The following MC2R variants were observed in gnomAD, a reference collection of about 807,000 sequenced individuals.
MC2R encodes the protein melanocortin 2 receptor.
Under a neutral mutation model 9.8 loss-of-function variants are expected in MC2R, and 9 were observed. That is an observed-to-expected ratio of 0.92 (90% CI 0.55 to 1.60). The LOEUF is 1.60. Among genes scored for constraint, MC2R ranks in the 40% most tolerant of loss-of-function variants. MC2R has a pLI of 0.00. For missense variants in MC2R, 370 were observed against 389.0 expected (o/e 0.95, Z 0.41); for synonymous variants, 185 against 154.7 (o/e 1.20, Z -1.45).
At chr18:13,885,790 G>A in intron 1 of MC2R, 144 bp from the exon 2 acceptor site, 1 of 464,200 alleles carries the variant, frequency 2.2e-6, no homozygotes, top group Non-Finnish European at 3.9e-6. Flanking sequence ...TATGTTTATT[G>A]CAGCACTAGT....
At chr18:13,900,219 T>G (rs1053646806) in intron 1 of MC2R, among the ~76,000 whole-genome samples, 1 of 152,212 alleles carries the variant, frequency 6.6e-6, no homozygotes, top group Admixed American at 6.5e-5. Flanking sequence ...AGATAGTATT[T>G]GCAAGCCTCT....
At chr18:13,910,273 T>C (rs1238725069) in intron 1 of MC2R, among the ~76,000 whole-genome samples, 2 of 152,220 alleles carry the variant, frequency 1.3e-5, no homozygotes, top group Non-Finnish European at 2.9e-5. Flanking sequence ...GTTTCATTGA[T>C]CTATTTGTCT....
intron 1 of MC2R, among the ~76,000 whole-genome samples, chr18:13,895,329 T>G (rs1477888092): frequency 6.6e-6 from 1 of 152,234 alleles, no homozygotes; most frequent in Non-Finnish European, 1.5e-5. Context: ...GATCAAAATG[T>G]TGCCTTCCTC....
At chr18:13,900,890 C>A (rs1052117802) in intron 1 of MC2R, among the ~76,000 whole-genome samples, 1 of 152,048 alleles carries the variant, frequency 6.6e-6, no homozygotes, top group African/African-American at 2.4e-5. Context: ...CAGTATATAC[C>A]AAATGAACCT....
In MC2R at chr18:13,884,774, G is replaced by C. The variant is rs758331241; in HGVS notation, c.745C>G (p.Pro249Ala). ...AGAGACATGTAGCAGGCGCAGTAGG[G>C]GTTACTTGGGCAGAATGTCATCAAG... is the stretch of plus-strand genomic sequence containing the variant. ...VLLMTFCPSN[P>A]YCACYMSLFQ... is the part of the protein sequence containing the mutation. The change falls in exon 2 of 2, where the codon CCC becomes GCC. Residue 249 changes from proline to alanine, a missense_variant. By Grantham distance (27) the Pro-to-Ala change is conservative. Coordinates refer to ENST00000327606, the MANE Select transcript of MC2R (RefSeq NM_000529.2). 26 of 1,613,874 alleles carry C rather than the reference G, an allele frequency of 1.6e-5. No individual in the cohort carries two copies. In the East Asian group the frequency reaches 5.8e-4, roughly 36 times the overall value.
At position 13,884,883 on chromosome 18, in the gene MC2R, T is replaced by C; in HGVS notation, c.636A>G (p.Arg212=). Residue 212 remains arginine (R), a synonymous_variant, in exon 2 of 2, where the codon AGA becomes AGG. Coordinates refer to ENST00000327606, the MANE Select transcript of MC2R (RefSeq NM_000529.2). ...SHTRKISTLP[R]ANMKGAITLT... The stretch of plus-strand genomic sequence containing the variant: ...GTGTGATGGCCCCTTTCATGTTGGC[T>C]CTGGGGAGGGTGGAGATCTTCCTGG... The C allele has an allele frequency of 1.9e-6, 3 of 1,613,902 alleles. No individual in the cohort carries two copies. The highest frequency in any genetic ancestry group is 2.5e-6 in the Non-Finnish European group (3 of 1,179,964).
rs1210286227 is a variant in MC2R, at chr18:13,884,695, A to G, written c.824T>C (p.Ile275Thr). ...IMCNAVIDPF[I>T]YAFRSPELRD... ...GAGCTCTGGGCTCCGGAAGGCATATATGAAGGGGTCAATGACGGCATTGCA... is the reference window on the plus strand; with the variant it reads ...GAGCTCTGGGCTCCGGAAGGCATATGTGAAGGGGTCAATGACGGCATTGCA... Residue 275 changes from isoleucine to threonine, a missense_variant, in exon 2 of 2, where the codon ATA (isoleucine) becomes ACA (threonine). Physicochemically the swap from Ile to Thr is moderately conservative, Grantham distance 89. Coordinates refer to ENST00000327606, the MANE Select transcript of MC2R (RefSeq NM_000529.2). 2 of 1,614,046 alleles carry G rather than the reference A, an allele frequency of 1.2e-6. No individual in the cohort carries two copies. The highest frequency in any genetic ancestry group is 1.7e-6 in the Non-Finnish European group (2 of 1,180,032).
Position 13,914,554 on chromosome 18 carries a change from G to A in MC2R, c.-129+934C>T, listed in dbSNP as rs2045465310. 2.0e-5 allele frequency among the ~76,000 whole-genome samples: 3 copies of A among 152,134 alleles called. No individual in the cohort carries two copies. In the South Asian group the frequency reaches 6.2e-4, roughly 31 times the overall value. On this transcript the variant is annotated intron_variant, in intron 1 of 1. Transcript: ENST00000327606. ...GATCTGCTCAAGGCTGTACTCTCTGGACCCCTTTGTACCCCTTTCCCATTC... is the reference window on the plus strand; with the variant it reads ...GATCTGCTCAAGGCTGTACTCTCTGAACCCCTTTGTACCCCTTTCCCATTC...
Position 13,885,421 on chromosome 18 carries a change from G to A in MC2R, c.98C>T (p.Thr33Ile), listed in dbSNP as rs559032155. 682 of 1,613,958 alleles carry A rather than the reference G, an allele frequency of 4.2e-4. 9 individuals carry two copies. In the South Asian group the frequency reaches 7.2e-3, roughly 17 times the overall value. Reference protein sequence around the residue: ...RVVLPEEIFFTISIVGVLENL... With the variant: ...RVVLPEEIFFIISIVGVLENL... ...CTCCAAAACTCCAACAATGGAAATT[G>A]TGAAAAATATCTCCTCCGGCAAAAC... Residue 33 changes from threonine (T) to isoleucine (I), a missense_variant, in exon 2 of 2, where the codon ACA becomes ATA. By Grantham distance (89) the Thr-to-Ile change is moderately conservative. Transcript: ENST00000327606.
chr18:13,906,244 C>T (rs565288368), intron 1 of MC2R, among the ~76,000 whole-genome samples: 5 of 152,162 alleles, frequency 3.3e-5, no homozygotes, highest in Non-Finnish European at 7.3e-5. Context: ...GAATACTATG[C>T]AGCCATAAAA....
chr18:13,913,964 G>C (rs2045461555), intron 1 of MC2R, among the ~76,000 whole-genome samples: 1 of 152,004 alleles, frequency 6.6e-6, no homozygotes, highest in African/African-American at 2.4e-5. Context: ...CAAGGAATGT[G>C]GCTTACACAG....
chr18:13,913,096 T>C (rs1379225216), intron 1 of MC2R, among the ~76,000 whole-genome samples: 1 of 152,190 alleles, frequency 6.6e-6, no homozygotes, highest in East Asian at 1.9e-4. Flanking sequence ...AATGACAATG[T>C]GATCACATCT....
At position 13,894,136 on chromosome 18, in the gene MC2R, TTGTG is replaced by T. The variant is rs35649882; in HGVS notation, c.-128-8494_-128-8491del. ...AAATGAGAAATAGAAGCATGTGTGT[TTGTG>T]TGTGTGTGTGTGTGTGTGTGCGTGC... On this transcript the variant is annotated intron_variant, in intron 1 of 1. Transcript: ENST00000327606. 2.1e-3 allele frequency among the ~76,000 whole-genome samples: 306 copies of T among 148,832 alleles called. 1 individual carries two copies. The highest frequency in any genetic ancestry group is 5.8e-3 in the African/African-American group (237 of 40,642).
Position 13,884,994 on chromosome 18 carries a change from C to A in MC2R, c.525G>T (p.Val175=). The change falls in exon 2 of 2, where the codon GTG becomes GTT. Residue 175 remains valine, a synonymous_variant. Coordinates refer to ENST00000327606, the MANE Select transcript of MC2R (RefSeq NM_000529.2). ...MVIFSHHVPT[V]ITFTSLFPLM... ...GCGGGAACAGCGACGTGAAGGTGATCACTGTGGGCACATGATGGGAGAAGA... is the reference window on the plus strand; with the variant it reads ...GCGGGAACAGCGACGTGAAGGTGATAACTGTGGGCACATGATGGGAGAAGA... The A allele has an allele frequency of 6.2e-7, 1 of 1,614,126 alleles. No homozygotes were observed. Among genetic ancestry groups the A allele is most frequent in the Non-Finnish European group, 8.5e-7 (1 of 1,180,028 alleles).
chr18:13,914,635 C>A (rs776303281), intron 1 of MC2R, among the ~76,000 whole-genome samples: 1 of 151,978 alleles, frequency 6.6e-6, no homozygotes, highest in African/African-American at 2.4e-5. Context: ...CAAGTGTGCA[C>A]GTGTATGTGT....
intron 1 of MC2R, among the ~76,000 whole-genome samples, chr18:13,897,398 T>C (rs561818852): frequency 9.2e-5 from 14 of 152,296 alleles, no homozygotes; most frequent in Admixed American, 5.9e-4. Context: ...AAAGCTACAG[T>C]GCTGTCAGTC....
chr18:13,906,620 T>C (rs12456679), intron 1 of MC2R, among the ~76,000 whole-genome samples: 78,051 of 152,094 alleles, frequency 0.51, 20,977 homozygotes, highest in African/African-American at 0.67. Flanking sequence ...TGACATGATG[T>C]TATACTTAGA....
chr18:13,906,092 A>C (rs1227220402), intron 1 of MC2R, among the ~76,000 whole-genome samples: 1 of 152,168 alleles, frequency 6.6e-6, no homozygotes, highest in Non-Finnish European at 1.5e-5. Flanking sequence ...AAAAGAAAAA[A>C]ATATATAAAT....
intron 1 of MC2R, among the ~76,000 whole-genome samples, chr18:13,911,225 G>A (rs967329302): frequency 5.9e-5 from 9 of 152,126 alleles, no homozygotes; most frequent in Admixed American, 5.2e-4. Context: ...AGCAGGGGCC[G>A]GAGTGTCAGG....
Sources: gnomAD v4.1 joint callset for allele counts (sites outside exome capture counted in the v4.1 genomes callset) on GRCh38, gnomAD v4.1.1 for gene constraint, MANE v1.5 for transcripts, NCBI Gene and HGNC (gene_info 2026-07-23, HGNC 2026-07-21) for gene names.